The following AMD1 variants were observed in gnomAD, a reference collection of about 807,000 sequenced individuals.
AMD1 encodes the protein adenosylmethionine decarboxylase 1, also known as S-adenosylmethionine decarboxylase proenzyme.
In AMD1, 11 loss-of-function variants were observed where a neutral mutation model predicts 40.2. The ratio of observed to expected loss-of-function variants is 0.27; its 90% CI spans 0.17 to 0.45. The LOEUF (loss-of-function observed/expected upper bound fraction) is 0.45, where lower values mean the gene tolerates loss of function less well. AMD1 is among the 20% of genes least tolerant of loss of function. AMD1 has a pLI of 1.00. For missense variants in AMD1, 257 were observed against 410.2 expected (o/e 0.63, Z 3.23); for synonymous variants, 121 against 130.8 (o/e 0.93, Z 0.51).
intron 2 of AMD1, among the ~76,000 whole-genome samples, 156 bp downstream of exon 2, chr6:110,887,747 G>A (rs1414745676): frequency 1.3e-5 from 2 of 152,036 alleles, no homozygotes; most frequent in African/African-American, 2.4e-5. Context: ...GTGCAATGGC[G>A]CCATGTCAGC....
At chr6:110,890,611 A>C (rs1785959264) in intron 4 of AMD1, among the ~76,000 whole-genome samples, 1 of 152,016 alleles carries the variant, frequency 6.6e-6, no homozygotes, top group South Asian at 2.1e-4. Flanking sequence ...TTAGCCTCCC[A>C]AGTAGCTGGG....
chr6:110,892,694 T>C (rs1786090362), intron 6 of AMD1, 41 bp from the exon 7 acceptor site: 1 of 1,593,250 alleles, frequency 6.3e-7, no homozygotes, highest in South Asian at 1.1e-5. Context: ...TGAAGTTTAT[T>C]TGTCAAACCC....
At chr6:110,878,286 G>T (rs909829153) in intron 1 of AMD1, among the ~76,000 whole-genome samples, 2 of 152,114 alleles carry the variant, frequency 1.3e-5, no homozygotes, top group Non-Finnish European at 2.9e-5. Context: ...AATTGATTTT[G>T]TGTGTGGTGT....
the AMD1 span, among the ~76,000 whole-genome samples, chr6:110,832,082 G>A: frequency 1.3e-5 from 2 of 148,630 alleles, no homozygotes; most frequent in African/African-American, 2.5e-5. Flanking sequence ...GCAGGATCTC[G>A]GCTCACTGCA....
the AMD1 span, chr6:110,815,240 C>A: frequency 2.4e-6 from 3 of 1,270,540 alleles, no homozygotes; most frequent in Non-Finnish European, 2.0e-6. Flanking sequence ...ACAGCCGCCT[C>A]TCGCGCGCGC....
At chr6:110,858,196 G>A in the AMD1 span, 29 of 684,516 alleles carry the variant, frequency 4.2e-5, no homozygotes, top group Non-Finnish European at 6.9e-5. Context: ...CTGCCAGGCC[G>A]TCTGTTTCGT....
At chr6:110,846,668 A>G in the AMD1 span, among the ~76,000 whole-genome samples, 1 of 151,814 alleles carries the variant, frequency 6.6e-6, no homozygotes, top group Non-Finnish European at 1.5e-5. Flanking sequence ...TCAGGAGTTC[A>G]AGACCAGCCA....
the AMD1 span, among the ~76,000 whole-genome samples, chr6:110,840,429 A>C: frequency 6.6e-6 from 1 of 151,818 alleles, no homozygotes; most frequent in Non-Finnish European, 1.5e-5. Flanking sequence ...CCAACAACCC[A>C]CTCTTTGGGT....
At chr6:110,842,554 T>A in the AMD1 span, among the ~76,000 whole-genome samples, 1 of 152,160 alleles carries the variant, frequency 6.6e-6, no homozygotes, top group African/African-American at 2.4e-5. Flanking sequence ...AAACTGTCAT[T>A]TGTCTCTGAC....
At chr6:110,837,153 T>C in the AMD1 span, among the ~76,000 whole-genome samples, 1 of 117,272 alleles carries the variant, frequency 8.5e-6, no homozygotes, top group East Asian at 2.6e-4. Flanking sequence ...TGCAGTACAG[T>C]CTGAGAAACA....
At chr6:110,836,390 G>A in the AMD1 span, among the ~76,000 whole-genome samples, 14,132 of 152,008 alleles carry the variant, frequency 0.093, 1,266 homozygotes, top group African/African-American at 0.24. Context: ...GAATGTTGTA[G>A]ATCTAGTTTG....
At chr6:110,881,765 C>T (rs1406131629) in intron 1 of AMD1, among the ~76,000 whole-genome samples, 1 of 150,922 alleles carries the variant, frequency 6.6e-6, no homozygotes, top group Non-Finnish European at 1.5e-5. Flanking sequence ...GCGGAGTTTG[C>T]AGTGAGCTGA....
intron 1 of AMD1, among the ~76,000 whole-genome samples, chr6:110,883,169 C>G (rs553969210): frequency 1.3e-5 from 2 of 152,322 alleles, no homozygotes; most frequent in East Asian, 3.9e-4. Flanking sequence ...GCATGCTACA[C>G]TGTCTTCTCT....
chr6:110,885,158 C>T (rs1785611808), intron 1 of AMD1, among the ~76,000 whole-genome samples: 1 of 152,170 alleles, frequency 6.6e-6, no homozygotes, highest in Non-Finnish European at 1.5e-5. Flanking sequence ...CTTTTGTCGC[C>T]CAGGCTGGAA....
chr6:110,891,510 G>A (rs1786014468), intron 4 of AMD1: 1 of 152,830 alleles, frequency 6.5e-6, no homozygotes, highest in Non-Finnish European at 1.5e-5. Context: ...AGAGGTCAGG[G>A]AACAAAGGTT....
the AMD1 span, among the ~76,000 whole-genome samples, chr6:110,833,710 C>G: frequency 2.0e-5 from 3 of 152,130 alleles, no homozygotes; most frequent in Non-Finnish European, 4.4e-5. Flanking sequence ...TTTCTTTACC[C>G]TCTTAAAAGC....
chr6:110,855,089 T>TTTTTTTA, the AMD1 span, among the ~76,000 whole-genome samples: 4 of 146,896 alleles, frequency 2.7e-5, no homozygotes, highest in Non-Finnish European at 6.0e-5. Flanking sequence ...TTTTTTTTTT[T>TTTTTTTA]GAGAGAATTG....
chr6:110,814,731 C>T, the AMD1 span: 18 of 619,014 alleles, frequency 2.9e-5, no homozygotes, highest in African/African-American at 5.5e-5. Flanking sequence ...CAACTCGAGT[C>T]CCCCCGCCGT....
At chr6:110,825,928 G>A in the AMD1 span, among the ~76,000 whole-genome samples, 1 of 152,060 alleles carries the variant, frequency 6.6e-6, no homozygotes, top group Non-Finnish European at 1.5e-5. Flanking sequence ...AACATTTTGG[G>A]AGACTAAGGT....
Sources: allele counts gnomAD v4.1 joint callset (sites outside exome capture counted in the v4.1 genomes callset), GRCh38; gene constraint gnomAD v4.1.1; transcripts MANE v1.5; gene names NCBI Gene and HGNC (gene_info 2026-07-23, HGNC 2026-07-21).